Variants in KCNH6 observed in about 807,000 individuals in gnomAD.
KCNH6 encodes the protein voltage-gated inwardly rectifying potassium channel KCNH6.
A neutral mutation model predicts 83.4 loss-of-function variants in KCNH6; 81 were observed. The ratio of observed to expected loss-of-function variants is 0.97; its 90% CI spans 0.81 to 1.17. The LOEUF is 1.17. KCNH6 is among the 50% of genes most tolerant of loss of function. The pLI is 0.00. For synonymous variants in KCNH6, 503 were observed against 545.6 expected (o/e 0.92, Z 1.09); for missense variants, 1,203 against 1,290.5 (o/e 0.93, Z 1.04).
rs1235141192 is a variant in KCNH6 at position 63,533,877 on chromosome 17, C to T, written c.676-9C>T. The T allele has an allele frequency of 1.9e-6, 3 of 1,608,440 alleles. No homozygotes were observed. The highest frequency in any genetic ancestry group is 3.3e-5 in the Admixed American group (2 of 59,844). ...CCCGTGCCTGACCTCCCTCGGCCCC[C>T]ACCCCCAGGTCCTGTCCCTGGGCGC... On this transcript the variant is annotated splice_polypyrimidine_tract_variant and intron_variant, in intron 4 of 12. Coordinates refer to ENST00000314672, the MANE Select transcript of KCNH6 (RefSeq NM_001278919.2). This position sits in a 1 kb window ranked among gnomAD's most constrained non-coding sequence, Gnocchi z 4.1.
chr17:63,530,060 C>A, intron 2 of KCNH6, 31 bp from the exon 3 acceptor site: 1 of 1,609,344 alleles, frequency 6.2e-7, no homozygotes, highest in Non-Finnish European at 8.5e-7. Context: ...CCTTCAGGGC[C>A]CACCCCCCAT....
intron 2 of KCNH6, among the ~76,000 whole-genome samples, chr17:63,529,500 T>C (rs2031938600): frequency 6.6e-6 from 1 of 152,134 alleles, no homozygotes; most frequent in African/African-American, 2.4e-5. Context: ...CTCTCCATGC[T>C]CCCTCCCAGC....
In KCNH6 at chr17:63,535,568, G is replaced by A; in HGVS notation, c.1102-101G>A. On this transcript the variant is annotated intron_variant, in intron 5 of 12. Coordinates refer to ENST00000314672, the MANE Select transcript of KCNH6 (RefSeq NM_001278919.2). The surrounding 1 kb of genome is among the most constrained non-coding windows in gnomAD (Gnocchi z 4.9). ...AGGAAGTTCTCCATAAATGTTTGTT[G>A]AATGAGTATGTGGTTGTATGCATGA... The A allele has an allele frequency of 8.8e-7, 1 of 1,131,490 alleles. No individual in the cohort carries two copies. The highest frequency in any genetic ancestry group is 1.3e-6 in the Non-Finnish European group (1 of 793,438). 70.1% of individuals were successfully genotyped at this position (1,131,490 alleles called of 1,614,324 possible).
rs948001058 is a variant in KCNH6 at position 63,538,440 on chromosome 17, G to A, written c.1732G>A (p.Ala578Thr). Reference sequence around the variant, plus strand: ...GAAGGGCTTCCCCGAGTGCCTGCAGGCTGACATCTGCCTGCACCTGCACCG... The same window carrying A: ...GAAGGGCTTCCCCGAGTGCCTGCAGACTGACATCTGCCTGCACCTGCACCG... ...VLKGFPECLQ[A>T]DICLHLHRAL... Residue 578 changes from alanine (A) to threonine (T), a missense_variant, in exon 8 of 13, where the codon GCT (alanine) becomes ACT (threonine). Physicochemically the swap from Ala to Thr is moderately conservative, Grantham distance 58. Transcript: ENST00000314672. The surrounding 1 kb of genome is among the most constrained non-coding windows in gnomAD (Gnocchi z 4.0). 3.1e-6 allele frequency: 5 copies of A among 1,602,894 alleles called. No individual in the cohort carries two copies. Among genetic ancestry groups the A allele is most frequent in the Non-Finnish European group, 4.3e-6 (5 of 1,175,426 alleles).
At chr17:63,528,001 A>G (rs1165925694) in intron 2 of KCNH6, among the ~76,000 whole-genome samples, 1 of 152,156 alleles carries the variant, frequency 6.6e-6, no homozygotes, top group Non-Finnish European at 1.5e-5. Flanking sequence ...TTCCAGTAAC[A>G]TCAATTGCTG....
chr17:63,534,301 G>A lies in KCNH6; in HGVS notation c.1091G>A (p.Gly364Asp). The A allele has an allele frequency of 6.2e-7, 1 of 1,611,474 alleles. No homozygotes were observed. Among genetic ancestry groups the A allele is most frequent in the Non-Finnish European group, 8.5e-7 (1 of 1,178,540 alleles). Residue 364 changes from glycine (G) to aspartate (D), a missense_variant, in exon 5 of 13, where the codon GGC becomes GAC. Transcript: ENST00000314672. This position sits in a 1 kb window ranked among gnomAD's most constrained non-coding sequence, Gnocchi z 5.0. The part of the protein sequence containing the change: ...IPFDLLIFRT[G>D]SDETTTLIGL... ...TTCGACCTCCTGATCTTCCGCACTG[G>A]CTCCGATGAGGTGAGCAGACCCCCT...
downstream of KCNH6, among the ~76,000 whole-genome samples, chr17:63,548,500 G>A (rs1212224846): frequency 1.3e-5 from 2 of 152,250 alleles, no homozygotes; most frequent in South Asian, 2.1e-4. Flanking sequence ...GCCTCAAAAC[G>A]AATGTGTATA....
At chr17:63,536,664 T>C (rs757549143) in intron 6 of KCNH6, among the ~76,000 whole-genome samples, 1 of 148,808 alleles carries the variant, frequency 6.7e-6, no homozygotes, top group Non-Finnish European at 1.5e-5. Flanking sequence ...AAAAAATTAT[T>C]AAGAATTTTT....
rs2032332686 is a variant in KCNH6 at position 63,534,252 on chromosome 17, A to G, written c.1042A>G (p.Ile348Val). Residue 348 changes from isoleucine to valine, a missense_variant, in exon 5 of 13, where the codon ATT becomes GTT. By Grantham distance (29) the Ile-to-Val change is conservative. Transcript: ENST00000314672. This position sits in a 1 kb window ranked among gnomAD's most constrained non-coding sequence, Gnocchi z 5.0. ...AVHYFKGWFL[I>V]DMVAAIPFDL... ...CCACTACTTCAAGGGCTGGTTCCTC[A>G]TTGACATGGTGGCCGCCATCCCTTT... is the stretch of plus-strand genomic sequence containing the variant. 1.9e-6 allele frequency: 3 copies of G among 1,613,940 alleles called. No homozygotes were observed. The highest frequency in any genetic ancestry group is 2.5e-6 in the Non-Finnish European group (3 of 1,179,988).
At chr17:63,544,076 C>T (rs1316667221) in intron 10 of KCNH6, 173 bp from the exon 11 acceptor site, 1 of 1,608,520 alleles carries the variant, frequency 6.2e-7, no homozygotes. Flanking sequence ...GTCCTGGGAG[C>T]CAGAACTCCA....
Position 63,546,055 on chromosome 17 carries a change from A to G in KCNH6, c.*153A>G, listed in dbSNP as rs2033133592. ...TCAGACCATCCTGGCTAACACGGTG[A>G]AACCCCACCTCTACTAAAATTAAAA... On this transcript the variant is annotated 3_prime_UTR_variant, in exon 13 of 13. Coordinates refer to ENST00000314672, the MANE Select transcript of KCNH6 (RefSeq NM_001278919.2). 1 of 628,174 alleles carries G rather than the reference A, an allele frequency of 1.6e-6. No homozygotes were observed. 38.9% of individuals were successfully genotyped at this position (628,174 alleles called of 1,614,324 possible).
rs759542121 is a variant in KCNH6 at position 63,538,551 on chromosome 17, G to A, written c.1843G>A (p.Ala615Thr). The change falls in exon 8 of 13, where the codon GCG becomes ACG. Residue 615 changes from alanine to threonine, a missense_variant. Coordinates refer to ENST00000314672, the MANE Select transcript of KCNH6 (RefSeq NM_001278919.2). This position sits in a 1 kb window ranked among gnomAD's most constrained non-coding sequence, Gnocchi z 4.0. ...ALAVKFKTTH[A>T]PPGDTLVHLG... ...AGCCGTCAAGTTCAAGACCACCCAC[G>A]CGCCGCCTGGGGACACGCTGGTGCA... 1.2e-6 allele frequency: 2 copies of A among 1,611,512 alleles called. No individual in the cohort carries two copies. Among genetic ancestry groups the A allele is most frequent in the Admixed American group, 1.7e-5 (1 of 59,718 alleles).
In KCNH6 at chr17:63,536,065, G is replaced by A. The variant is rs574268878; in HGVS notation, c.1498G>A (p.Gly500Ser). The A allele has an allele frequency of 3.1e-5, 50 of 1,612,498 alleles. No homozygotes were observed. The highest frequency in any genetic ancestry group is 6.7e-5 in the Admixed American group (4 of 59,998). The change falls in exon 6 of 13, where the codon GGC becomes AGC. Residue 500 changes from glycine (G) to serine (S), a missense_variant. By Grantham distance (56) the Gly-to-Ser change is moderately conservative (BLOSUM62 0). Coordinates refer to ENST00000314672, the MANE Select transcript of KCNH6 (RefSeq NM_001278919.2). The stretch of plus-strand genomic sequence containing the variant: ...CTTCTCCATCTGCGTCATGCTCATC[G>A]GCTGTGAGTGAGACCTCATGCCACG... ...KVFSICVMLIGSLMYASIFGN... is the reference protein window; with the variant it reads ...KVFSICVMLISSLMYASIFGN...
At chr17:63,527,076 C>G (rs1295919482) in intron 2 of KCNH6, among the ~76,000 whole-genome samples, 1 of 152,172 alleles carries the variant, frequency 6.6e-6, no homozygotes, top group Non-Finnish European at 1.5e-5. Context: ...TGCCCGGGAG[C>G]CCACCCCAGC....
Position 63,544,392 on chromosome 17 carries a change from C to T in KCNH6, c.2377C>T (p.Leu793Phe), listed in dbSNP as rs142361666. ...PLKLGSRLEQ[L>F]QAQMNRLESR... ...GAAGCTGGGCTCCAGGCTAGAGCAG[C>T]TCCAGGCCCAGATGAACAGGTGTGT... Residue 793 changes from leucine to phenylalanine, a missense_variant, in exon 11 of 13, where the codon CTC becomes TTC. Leu to Phe is a conservative substitution (Grantham distance 22). Coordinates refer to ENST00000314672, the MANE Select transcript of KCNH6 (RefSeq NM_001278919.2). The T allele has an allele frequency of 6.3e-7, 1 of 1,589,052 alleles. No individual in the cohort carries two copies. Among genetic ancestry groups the T allele is most frequent in the Non-Finnish European group, 8.6e-7 (1 of 1,168,794 alleles).
chr17:63,529,316 C>T (rs370587556), intron 2 of KCNH6, among the ~76,000 whole-genome samples: 1 of 152,234 alleles, frequency 6.6e-6, no homozygotes, highest in East Asian at 1.9e-4. Flanking sequence ...CCATCCTCCT[C>T]CCTCTGTGGT....
intron 8 of KCNH6, among the ~76,000 whole-genome samples, chr17:63,540,201 G>A (rs1226817781): frequency 2.0e-5 from 3 of 152,078 alleles, no homozygotes; most frequent in Admixed American, 6.6e-5. Flanking sequence ...TTGGGAGGCC[G>A]AGGTGGGTGA....
At chr17:63,524,501 C>T in intron 2 of KCNH6, 132 bp downstream of exon 2, 1 of 688,348 alleles carries the variant, frequency 1.5e-6, no homozygotes, top group Non-Finnish European at 2.5e-6. Context: ...TTCTAGGGGC[C>T]TTGGTTCCTC....
chr17:63,538,880 G>A lies in KCNH6; in HGVS notation c.1954+218G>A, dbSNP rs1260663474. On this transcript the variant is annotated intron_variant, in intron 8 of 12. Transcript: ENST00000314672. This position sits in a 1 kb window ranked among gnomAD's most constrained non-coding sequence, Gnocchi z 4.0. Reference sequence around the variant, plus strand: ...CCCATTTTCCTGAGAGGGAAGTTGAGGCTGAGGGAGATCATGCTAGTCTGT... The same window carrying A: ...CCCATTTTCCTGAGAGGGAAGTTGAAGCTGAGGGAGATCATGCTAGTCTGT... 6.6e-6 allele frequency among the ~76,000 whole-genome samples: 1 copy of A among 152,226 alleles called. No individual in the cohort carries two copies. Among genetic ancestry groups the A allele is most frequent in the East Asian group, 1.9e-4 (1 of 5,198 alleles).
Sources: gnomAD v4.1 joint callset for allele counts (sites outside exome capture counted in the v4.1 genomes callset) on GRCh38, gnomAD v4.1.1 for gene constraint, Gnocchi (gnomAD v3.1) non-coding constraint, MANE v1.5 for transcripts, NCBI Gene and HGNC (gene_info 2026-07-23, HGNC 2026-07-21) for gene names.